Variants in CCDC30 observed in about 807,000 individuals in gnomAD.
CCDC30 encodes the protein coiled-coil domain containing 30, also known as coiled-coil domain-containing protein 30.
CCDC30 carries 70 observed loss-of-function variants against 100.2 expected under a neutral mutation model. The observed-to-expected ratio is 0.70, with a 90% CI of 0.58 to 0.85. The LOEUF is 0.85. Ranked by LOEUF, CCDC30 falls within the 40% of genes least tolerant of loss-of-function variation. The pLI is 0.00. For synonymous variants in CCDC30, 233 were observed against 269.5 expected (o/e 0.86, Z 1.33); for missense variants, 652 against 771.2 (o/e 0.85, Z 1.83).
upstream of CCDC30, among the ~76,000 whole-genome samples, chr1:42,461,759 A>T (rs1643419178): frequency 6.6e-6 from 1 of 152,004 alleles, no homozygotes; most frequent in Non-Finnish European, 1.5e-5. Flanking sequence ...GTTAGCCAGG[A>T]TGTTCTCCAT....
exon 1 of CCDC30, chr1:42,463,489 T>G (rs1196206328): frequency 6.6e-6 from 1 of 152,192 alleles, no homozygotes; most frequent in South Asian, 2.1e-4. Context: ...CCCAGTATGG[T>G]CCGAAACTAC....
intron 6 of CCDC30, among the ~76,000 whole-genome samples, chr1:42,564,605 A>G (rs1423752268): frequency 1.3e-5 from 2 of 152,230 alleles, no homozygotes; most frequent in Non-Finnish European, 2.9e-5. Flanking sequence ...TTTGTGATGT[A>G]CAACCTGATG....
Position 42,608,663 on chromosome 1 carries a change from C to T in CCDC30, c.1165-2315C>T, listed in dbSNP as rs984138151. On this transcript the variant is annotated intron_variant, in intron 10 of 16. Transcript: ENST00000668663. ...GAACTTGCCGTGAGCCGAGATCGCG[C>T]CACTGCCCTCCAGCCTGGGCGACAG... Among the ~76,000 whole-genome samples the T allele has an allele frequency of 1.0e-4, 15 of 148,896 alleles. No homozygotes were observed. The East Asian group carries it at 3.0e-3, about 30-fold the overall frequency.
chr1:42,581,750 T>G (rs189544738), intron 9 of CCDC30, among the ~76,000 whole-genome samples: 5 of 152,294 alleles, frequency 3.3e-5, no homozygotes, highest in Admixed American at 3.3e-4. Flanking sequence ...AGATTATTTC[T>G]TCTGGTTCTG....
At chr1:42,641,989 G>T (rs1247280122) in intron 12 of CCDC30, among the ~76,000 whole-genome samples, 1 of 152,168 alleles carries the variant, frequency 6.6e-6, no homozygotes, top group African/African-American at 2.4e-5. Context: ...AATTTGGGAG[G>T]CCAAGGTGGG....
intron 8 of CCDC30, among the ~76,000 whole-genome samples, 186 bp from the exon 13 acceptor site, chr1:42,581,174 A>G (rs1041166487): frequency 6.6e-6 from 1 of 152,238 alleles, no homozygotes; most frequent in Non-Finnish European, 1.5e-5. Flanking sequence ...ATTGAATTAT[A>G]TGAATGCATT....
intron 10 of CCDC30, among the ~76,000 whole-genome samples, chr1:42,610,672 G>C (rs1053165199): frequency 4.6e-5 from 7 of 152,168 alleles, no homozygotes; most frequent in Admixed American, 2.6e-4. Flanking sequence ...CTATATGCCT[G>C]CCTCAGCCTC....
At chr1:42,595,671 C>A (rs1016872779) in intron 10 of CCDC30, 31 of 152,144 alleles carry the variant, frequency 2.0e-4, no homozygotes, top group African/African-American at 7.5e-4. Context: ...AGGTAATGAA[C>A]CTGCTACCAG....
intron 1 of CCDC30, among the ~76,000 whole-genome samples, chr1:42,474,617 G>T (rs980815471): frequency 6.6e-6 from 1 of 152,090 alleles, no homozygotes; most frequent in Non-Finnish European, 1.5e-5. Context: ...TATTTCGGTA[G>T]TCTACTTCTA....
At chr1:42,469,871 A>G (rs1643710791) in intron 1 of CCDC30, among the ~76,000 whole-genome samples, 1 of 152,214 alleles carries the variant, frequency 6.6e-6, no homozygotes, top group East Asian at 1.9e-4. Context: ...AAAAGTTTTG[A>G]ATAGTTGCTG....
At chr1:42,538,591 G>A (rs1644954162) in intron 6 of CCDC30, among the ~76,000 whole-genome samples, 1 of 152,062 alleles carries the variant, frequency 6.6e-6, no homozygotes. Flanking sequence ...GGGCAACATA[G>A]CGAGACCGCA....
At chr1:42,541,321 C>A (rs12563827) in intron 6 of CCDC30, among the ~76,000 whole-genome samples, 20,729 of 152,264 alleles carry the variant, frequency 0.14, 1,557 homozygotes, top group East Asian at 0.19. Flanking sequence ...CACCCTTGTG[C>A]ATTAGTTACT....
intron 6 of CCDC30, among the ~76,000 whole-genome samples, chr1:42,551,147 A>G (rs775355162): frequency 6.6e-6 from 1 of 152,194 alleles, no homozygotes; most frequent in Non-Finnish European, 1.5e-5. Context: ...CCACCTTGCA[A>G]ATGAAGAGAT....
chr1:42,632,930 C>T (rs1267096548), intron 11 of CCDC30, among the ~76,000 whole-genome samples: 1 of 151,994 alleles, frequency 6.6e-6, no homozygotes, highest in South Asian at 2.1e-4. Flanking sequence ...GTGCTTCAGT[C>T]TCCTGAGTAG....
chr1:42,512,406 G>A (rs374997811), intron 6 of CCDC30, among the ~76,000 whole-genome samples: 3 of 152,318 alleles, frequency 2.0e-5, no homozygotes, highest in Admixed American at 6.5e-5. Context: ...GAAATGCCAT[G>A]TGCTCTCCAG....
intron 15 of CCDC30, among the ~76,000 whole-genome samples, chr1:42,646,658 A>T (rs1647906455): frequency 6.6e-6 from 1 of 152,224 alleles, no homozygotes. Flanking sequence ...TCTCCTGGGC[A>T]TGAGCCCCTA....
chr1:42,626,630 C>T (rs1646938849), intron 11 of CCDC30, among the ~76,000 whole-genome samples: 1 of 152,074 alleles, frequency 6.6e-6, no homozygotes, highest in Non-Finnish European at 1.5e-5. Context: ...CCCAGAATTC[C>T]CACATGTTGT....
intron 11 of CCDC30, among the ~76,000 whole-genome samples, chr1:42,625,881 G>A (rs1023230264): frequency 6.6e-6 from 1 of 152,074 alleles, no homozygotes; most frequent in Admixed American, 6.6e-5. Context: ...GGTCTATAAT[G>A]CAGATTATAT....
intron 6 of CCDC30, among the ~76,000 whole-genome samples, chr1:42,535,501 C>A (rs931113138): frequency 6.7e-6 from 1 of 150,110 alleles, no homozygotes; most frequent in Non-Finnish European, 1.5e-5. Context: ...GTGCCAATTT[C>A]AGCTGCTTCC....
Sources: allele counts gnomAD v4.1 joint callset (sites outside exome capture counted in the v4.1 genomes callset), GRCh38; gene constraint gnomAD v4.1.1; transcripts MANE v1.5; gene names NCBI Gene and HGNC (gene_info 2026-07-23, HGNC 2026-07-21).